SPG7: variants seen among roughly 807,000 people sequenced by gnomAD.
SPG7 encodes the protein mitochondrial inner membrane m-AAA protease component paraplegin.
A neutral mutation model predicts 81.9 loss-of-function variants in SPG7; 103 were observed. The observed-to-expected ratio is 1.26, with a 90% CI of 1.07 to 1.48. The LOEUF is 1.48. SPG7 is among the 40% of genes most tolerant of loss of function. SPG7 has a pLI of 0.00. For synonymous variants in SPG7, 534 were observed against 444.2 expected (o/e 1.20, Z -2.54); for missense variants, 1,241 against 1,087.3 (o/e 1.14, Z -1.99).
At chr16:89,516,704 C>T (rs1038081024) in intron 3 of SPG7, 1 of 120,806 alleles carries the variant, frequency 8.3e-6, no homozygotes, top group Non-Finnish European at 1.8e-5. Context: ...ACTAAAAATA[C>T]AAAAAAAAAA....
In SPG7 at chr16:89,510,569, C is replaced by A. The variant is rs764104523; in HGVS notation, c.263C>A (p.Pro88Gln). 8 of 1,611,802 alleles carry A rather than the reference C, an allele frequency of 5.0e-6. No individual in the cohort carries two copies. In the East Asian group the frequency reaches 1.8e-4, roughly 36 times the overall value. Residue 88 changes from proline to glutamine, a missense_variant, in exon 2 of 17, where the codon CCA becomes CAA. Pro to Gln is a moderately conservative substitution (Grantham distance 76). Coordinates refer to ENST00000645818, the MANE Select transcript of SPG7 (RefSeq NM_003119.4). ...LLLKQHLVQNPVRLWQLLGGT... is the reference protein window; with the variant it reads ...LLLKQHLVQNQVRLWQLLGGT... Reference sequence around the variant, plus strand: ...TTGAAACAACATTTAGTTCAGAATCCAGTCAGACTCTGGCAACTTTTAGGT... The same window carrying A: ...TTGAAACAACATTTAGTTCAGAATCAAGTCAGACTCTGGCAACTTTTAGGT...
chr16:89,526,743 AAGCCCCTGATGTAGATGCCGAAGTCTC>A, intron 5 of SPG7: 1 of 414,148 alleles, frequency 2.4e-6, no homozygotes, highest in Non-Finnish European at 4.5e-6. Flanking sequence ...GCTGAAGTCT[AAGCCCCTGATGTAGATGCCGAAGTCTC>A]AGCCCCCGAC....
At chr16:89,533,073 CAAAAAA>C in intron 9 of SPG7, 2 of 81,964 alleles carry the variant, frequency 2.4e-5, no homozygotes, top group Non-Finnish European at 2.2e-5. Context: ...GACTCCATCT[CAAAAAA>C]AAAAAAAAAA....
Position 89,530,682 on chromosome 16 carries a change from G to A in SPG7, c.862-1G>A. 3.7e-6 allele frequency: 6 copies of A among 1,614,126 alleles called. No homozygotes were observed. Among genetic ancestry groups the A allele is most frequent in the Non-Finnish European group, 5.1e-6 (6 of 1,180,020 alleles). ...CCTTGCACTTTGTTCTTTCTGCACAGAATCAGCTTAAAATGGCTCGTTTCA... is the reference window on the plus strand; with the variant it reads ...CCTTGCACTTTGTTCTTTCTGCACAAAATCAGCTTAAAATGGCTCGTTTCA... On this transcript the variant is annotated splice_acceptor_variant, in intron 6 of 16. Coordinates refer to ENST00000645818, the MANE Select transcript of SPG7 (RefSeq NM_003119.4). LOFTEE classifies it high-confidence loss of function.
rs114306117 is a variant in SPG7 at position 89,557,534 on chromosome 16, T to C, written c.*441T>C. The C allele has an allele frequency of 5.0e-3, 1,062 of 212,282 alleles. 20 individuals are homozygous for C. The highest frequency in any genetic ancestry group is 0.023 in the African/African-American group (1,010 of 43,422). The allele number at this position is 212,282 out of a possible 1,614,324, so 13.1% of individuals were successfully genotyped here. ...GACATGAAAGGACCCTGTGAGCCGA[T>C]TGTCCTATCTCCAGCGGCCCTGTCA... On this transcript the variant is annotated 3_prime_UTR_variant, in exon 17 of 17. Coordinates refer to ENST00000645818, the MANE Select transcript of SPG7 (RefSeq NM_003119.4).
chr16:89,545,929 T>C (rs1345160973), intron 10 of SPG7: 1 of 452,704 alleles, frequency 2.2e-6, no homozygotes, highest in Non-Finnish European at 4.4e-6. Flanking sequence ...CACCACTCAC[T>C]GCGGCCTCAA....
intron 9 of SPG7, 83 bp from the exon 10 acceptor site, chr16:89,544,565 G>A (rs1440011548): frequency 6.5e-7 from 1 of 1,543,008 alleles, no homozygotes; most frequent in African/African-American, 1.4e-5. Flanking sequence ...TCTCCCTCCT[G>A]TGTCCTGAAG....
chr16:89,550,280 C>T (rs774642245), intron 12 of SPG7: 1 of 520,008 alleles, frequency 1.9e-6, no homozygotes, highest in Non-Finnish European at 3.6e-6. Context: ...TCAAGTGATT[C>T]TCTTGCCTCA....
chr16:89,541,812 G>A (rs1373552417), intron 9 of SPG7: 1 of 152,240 alleles, frequency 6.6e-6, no homozygotes, highest in Admixed American at 6.5e-5. Context: ...GCATGTCCCT[G>A]ACACATAGCT....
At chr16:89,515,272 T>C (rs1348802208) in intron 3 of SPG7, among the ~76,000 whole-genome samples, 1 of 148,974 alleles carries the variant, frequency 6.7e-6, no homozygotes, top group Non-Finnish European at 1.5e-5. Context: ...ATTTTGTATT[T>C]ATTTATTTAT....
At chr16:89,556,079 G>T in intron 16 of SPG7, 1 of 398,846 alleles carries the variant, frequency 2.5e-6, no homozygotes, top group Non-Finnish European at 4.4e-6. Flanking sequence ...CGGGAGCAAA[G>T]CTGCAGGCAA....
chr16:89,557,223 G>T lies in SPG7; in HGVS notation c.*130G>T, dbSNP rs946066611. 6 of 646,872 alleles carry T rather than the reference G, an allele frequency of 9.3e-6. No individual in the cohort carries two copies. The highest frequency in any genetic ancestry group is 1.7e-5 in the Non-Finnish European group (6 of 362,840). The allele number at this position is 646,872 out of a possible 1,614,324, so 40.1% of individuals were successfully genotyped here. A position where few individuals can be genotyped will look rare whatever the true frequency, so the allele number is the denominator to read the frequency against. ...CAGTAGTCCCTGCACAGTGACTTCT[G>T]AGATCTGTTGATTGATGACCCTTTT... On this transcript the variant is annotated 3_prime_UTR_variant, in exon 17 of 17. Transcript: ENST00000645818.
chr16:89,510,428 C>T, intron 1 of SPG7, 62 bp from the exon 2 acceptor site: 1 of 1,003,290 alleles, frequency 1.0e-6, no homozygotes, highest in South Asian at 1.3e-5. Flanking sequence ...TTTTAGTCTG[C>T]ATTGCTTTGG....
intron 12 of SPG7, chr16:89,548,414 A>C: frequency 2.8e-6 from 1 of 361,812 alleles, no homozygotes; most frequent in Non-Finnish European, 5.2e-6. Context: ...AAAAACTAAA[A>C]ATGTCTTGCC....
chr16:89,532,324 C>A, intron 8 of SPG7, 139 bp from the exon 9 acceptor site: 1 of 1,139,496 alleles, frequency 8.8e-7, no homozygotes, highest in Non-Finnish European at 1.3e-6. Context: ...CCGCGAGCAG[C>A]TGCCGTGTGT....
intron 9 of SPG7, chr16:89,537,210 T>C (rs1200804839): frequency 8.4e-6 from 12 of 1,428,598 alleles, no homozygotes; most frequent in South Asian, 3.1e-5. Flanking sequence ...TGGGGAAATC[T>C]CACTGGGGAA....
chr16:89,513,570 A>G (rs1357401615), intron 3 of SPG7, among the ~76,000 whole-genome samples: 2 of 152,106 alleles, frequency 1.3e-5, no homozygotes, highest in Non-Finnish European at 2.9e-5. Context: ...ATACAGAAAG[A>G]AAAGAAGAAA....
At chr16:89,518,685 C>A (rs1461893595) in intron 3 of SPG7, 1 of 152,156 alleles carries the variant, frequency 6.6e-6, no homozygotes, top group African/African-American at 2.4e-5. Flanking sequence ...GCTGAAAGAT[C>A]ACATGCCGTA....
Position 89,548,031 on chromosome 16 carries a change from G to A in SPG7, c.1581G>A (p.Glu527=). 1 of 1,612,744 alleles carries A rather than the reference G, an allele frequency of 6.2e-7. No homozygotes were observed. The highest frequency in any genetic ancestry group is 8.5e-7 in the Non-Finnish European group (1 of 1,179,912). Residue 527 remains glutamate, a synonymous_variant, in exon 12 of 17, where the codon GAG becomes GAA. Transcript: ENST00000645818. ...CTGACATCGCCAACATCTGCAATGA[G>A]GCTGCGCTGCACGCGGCGCGGGAGG... The part of the protein sequence containing the change: ...SGADIANICN[E]AALHAAREGH...
Sources: gnomAD v4.1 joint callset for allele counts (sites outside exome capture counted in the v4.1 genomes callset) on GRCh38, gnomAD v4.1.1 for gene constraint, MANE v1.5 for transcripts, NCBI Gene and HGNC (gene_info 2026-07-23, HGNC 2026-07-21) for gene names.